Variants in ATG4A observed in about 807,000 individuals in gnomAD.
ATG4A encodes autophagy related 4A cysteine peptidase.
In ATG4A, 22 loss-of-function variants were observed where a neutral mutation model predicts 38.4. The observed-to-expected ratio is 0.57, with a 90% CI of 0.41 to 0.82. ATG4A has a LOEUF of 0.82. Ranked by LOEUF, ATG4A falls within the 40% of genes least tolerant of loss-of-function variation. The pLI, the probability that ATG4A is intolerant of heterozygous loss-of-function variation, is 0.00. For synonymous variants in ATG4A, 86 were observed against 100.7 expected (o/e 0.85, Z 0.88); for missense variants, 220 against 290.0 (o/e 0.76, Z 1.75).
rs142072247 is a variant in ATG4A at position 108,137,109 on chromosome X, C to T, written c.486C>T (p.Asp162=). The change falls in exon 7 of 13, where the codon GAC becomes GAT. Residue 162 remains aspartate, a synonymous_variant. Coordinates refer to ENST00000372232, the MANE Select transcript of ATG4A (RefSeq NM_052936.5). ...AQVLKKLALF[D]EWNSLAVYVS... ...TTTGCAGAAAACTTGCTTTATTTGA[C>T]GAATGGAATTCCTTGGCTGTTTATG... 178 of 1,205,600 alleles carry T rather than the reference C, an allele frequency of 1.5e-4. No homozygotes were observed. In the African/African-American group the frequency reaches 2.4e-3, roughly 16 times the overall value.
chrX:108,137,342 C>G (rs1006186071), intron 7 of ATG4A, among the ~76,000 whole-genome samples, 172 bp downstream of exon 7: 8 of 112,216 alleles, frequency 7.1e-5, no homozygotes, highest in African/African-American at 2.6e-4. Flanking sequence ...AGAGGGAGAA[C>G]ACCATTAGAG....
At chrX:108,129,870 C>CTTTT (rs775581997) in intron 3 of ATG4A, among the ~76,000 whole-genome samples, 2 of 95,032 alleles carry the variant, frequency 2.1e-5, no homozygotes, top group African/African-American at 3.8e-5. Context: ...GCTCCCGGCC[C>CTTTT]TTTTTTTTTT....
At chrX:108,147,349 A>G (rs973400825) in intron 9 of ATG4A, among the ~76,000 whole-genome samples, 7 of 111,594 alleles carry the variant, frequency 6.3e-5, no homozygotes, top group African/African-American at 2.0e-4. Context: ...CAGAGTTTAC[A>G]AACTCAGTGT....
Position 108,128,763 on chromosome X carries a change from T to C in ATG4A, c.122-18T>C, listed in dbSNP as rs759082051. The stretch of plus-strand genomic sequence containing the variant: ...TTTAGATATGGTGATTTAATTTTAA[T>C]TTTACATTTAATTACAGAAAAATCT... On this transcript the variant is annotated intron_variant, in intron 2 of 12. Transcript: ENST00000372232. 5 of 1,111,184 alleles carry C rather than the reference T, an allele frequency of 4.5e-6. No individual in the cohort carries two copies. The highest frequency in any genetic ancestry group is 5.4e-5 in the Admixed American group (2 of 37,242). 91.6% of individuals were successfully genotyped at this position (1,111,184 alleles called of 1,213,427 possible). A position where few individuals can be genotyped will look rare whatever the true frequency, so the allele number is the denominator to read the frequency against.
intron 1 of ATG4A, among the ~76,000 whole-genome samples, chrX:108,120,246 C>T (rs762094418): frequency 8.9e-6 from 1 of 112,387 alleles, no homozygotes; most frequent in Non-Finnish European, 1.9e-5. Context: ...GCGGCATCCT[C>T]TGAGCAGCAC....
intron 1 of ATG4A, among the ~76,000 whole-genome samples, chrX:108,114,013 G>A (rs939492653): frequency 3.6e-5 from 4 of 111,711 alleles, no homozygotes; most frequent in African/African-American, 9.8e-5. Flanking sequence ...TTGTAATTGC[G>A]AAAAGCAGGA....
At chrX:108,092,957 T>A (rs1000939435) in intron 1 of ATG4A, among the ~76,000 whole-genome samples, 1 of 112,080 alleles carries the variant, frequency 8.9e-6, no homozygotes, top group Non-Finnish European at 1.9e-5. Flanking sequence ...TATACTTTTT[T>A]ATTTTTATTT....
upstream of ATG4A, chrX:108,091,581 G>A (rs1335899406): frequency 9.2e-7 from 1 of 1,083,634 alleles, no homozygotes; most frequent in Non-Finnish European, 1.3e-6. Flanking sequence ...GCCGGCTCCG[G>A]CTACGCCAGT....
At position 108,113,852 on chromosome X, in the gene ATG4A, G is replaced by A. The variant is rs747804108; in HGVS notation, c.11-12225G>A. On this transcript the variant is annotated intron_variant, in intron 1 of 12. Transcript: ENST00000372232. Reference sequence around the variant, plus strand: ...TCCCTCTGGGTCCCTACCACAACATGTGGGAATTCTGGGAGATACAATTCA... The same window carrying A: ...TCCCTCTGGGTCCCTACCACAACATATGGGAATTCTGGGAGATACAATTCA... Among the ~76,000 whole-genome samples the A allele has an allele frequency of 5.4e-5, 6 of 111,954 alleles. No homozygotes were observed. In the South Asian group the frequency reaches 2.3e-3, roughly 42 times the overall value.
chrX:108,113,239 A>T (rs772022137), intron 1 of ATG4A, among the ~76,000 whole-genome samples: 128 of 112,147 alleles, frequency 1.1e-3, no homozygotes, highest in African/African-American at 4.0e-3. Flanking sequence ...TGCACACTGC[A>T]GCGCTCTCCA....
intron 2 of ATG4A, chrX:108,126,736 T>C (rs1449444514): frequency 1.0e-6 from 1 of 977,579 alleles, no homozygotes; most frequent in African/African-American, 2.0e-5. Context: ...TTTTAGCCAC[T>C]GCAGCTAGAT....
intron 1 of ATG4A, among the ~76,000 whole-genome samples, chrX:108,100,991 T>G (rs1036732956): frequency 3.6e-5 from 4 of 111,412 alleles, no homozygotes; most frequent in East Asian, 2.8e-4. Context: ...TTTAAGTATT[T>G]GGTAGAATGC....
intron 1 of ATG4A, among the ~76,000 whole-genome samples, chrX:108,117,228 G>T (rs1298150349): frequency 9.0e-6 from 1 of 110,883 alleles, no homozygotes; most frequent in African/African-American, 3.3e-5. Context: ...TTATTGCAAG[G>T]CACTATGACC....
At chrX:108,130,486 C>T (rs1449809993) in intron 3 of ATG4A, among the ~76,000 whole-genome samples, 1 of 111,970 alleles carries the variant, frequency 8.9e-6, no homozygotes, top group African/African-American at 3.2e-5. Context: ...AATTTTATAC[C>T]TTTTAAAGAT....
At chrX:108,136,991 A>G (rs918456513) in intron 6 of ATG4A, 100 bp from the exon 7 acceptor site, 18 of 671,161 alleles carry the variant, frequency 2.7e-5, no homozygotes, top group Middle Eastern at 4.9e-4. Flanking sequence ...TCTATGGCTC[A>G]GTGTTTGGTG....
chrX:108,136,977 CT>C, intron 6 of ATG4A, 113 bp from the exon 7 acceptor site: 1 of 583,356 alleles, frequency 1.7e-6, no homozygotes. Context: ...TGAACACCAG[CT>C]TTTCTATGGC....
intron 1 of ATG4A, among the ~76,000 whole-genome samples, chrX:108,112,774 A>G (rs1251300094): frequency 9.0e-6 from 1 of 111,315 alleles, no homozygotes; most frequent in Non-Finnish European, 1.9e-5. Flanking sequence ...TACTTGTTGT[A>G]TTATCCTATA....
In ATG4A at chrX:108,128,850, T is replaced by C; in HGVS notation, c.191T>C (p.Ile64Thr). 8.5e-7 allele frequency: 1 copy of C among 1,176,354 alleles called. No homozygotes were observed. The highest frequency in any genetic ancestry group is 1.1e-6 in the Non-Finnish European group (1 of 872,977). ...ACATACAGAAGGAAATTTTCACCAA[T>C]TGGTAGGTAAATCATTTGTTTTACT... Reference protein sequence around the residue: ...WFTYRRKFSPIGGTGPSSDAG... With the variant: ...WFTYRRKFSPTGGTGPSSDAG... Residue 64 changes from isoleucine to threonine, a missense_variant and splice_region_variant, in exon 3 of 13, where the codon ATT becomes ACT. Coordinates refer to ENST00000372232, the MANE Select transcript of ATG4A (RefSeq NM_052936.5).
chrX:108,091,629 C>G (rs748395545), upstream of ATG4A: 22 of 937,676 alleles, frequency 2.3e-5, no homozygotes, highest in African/African-American at 3.9e-5. Context: ...CACCGGCCTT[C>G]CTCGTTCCCT....
Sources: gnomAD v4.1 joint callset for allele counts (sites outside exome capture counted in the v4.1 genomes callset) on GRCh38, gnomAD v4.1.1 for gene constraint, MANE v1.5 for transcripts, NCBI Gene and HGNC (gene_info 2026-07-23, HGNC 2026-07-21) for gene names.